The following BMP2K variants were observed in gnomAD, a reference collection of about 807,000 sequenced individuals.
The protein encoded by BMP2K is BMP2 inducible kinase, also known as BMP-2-inducible protein kinase.
In BMP2K, 74 loss-of-function variants were observed where a neutral mutation model predicts 116.0. That is an observed-to-expected ratio of 0.64 (90% CI 0.53 to 0.77). The LOEUF (loss-of-function observed/expected upper bound fraction) is 0.77. BMP2K is among the 30% of genes least tolerant of loss of function. BMP2K has a pLI of 0.00. For missense variants in BMP2K, 1,365 were observed against 1,403.6 expected (o/e 0.97, Z 0.44); for synonymous variants, 486 against 502.5 (o/e 0.97, Z 0.44).
Position 78,801,938 on chromosome 4 carries a change from C to G in BMP2K, c.179-24099C>G, listed in dbSNP as rs1728587804. On this transcript the variant is annotated intron_variant, in intron 1 of 15. Coordinates refer to ENST00000502613, the MANE Select transcript of BMP2K (RefSeq NM_198892.2). ...TGTTTAACAGCTATGATCTTTGTGA[C>G]TCTTTCTTGTATGTTGAGAAAGAAG... 2.6e-5 allele frequency among the ~76,000 whole-genome samples: 4 copies of G among 152,216 alleles called. No individual in the cohort carries two copies. In the South Asian group the frequency reaches 8.3e-4, roughly 31 times the overall value.
rs1331835098 is a variant in BMP2K, at chr4:78,881,366, A to C, written c.1951+2475A>C. Among the ~76,000 whole-genome samples the C allele has an allele frequency of 2.0e-5, 3 of 152,308 alleles. No individual in the cohort carries two copies. The East Asian group carries it at 5.8e-4, about 29-fold the overall frequency. On this transcript the variant is annotated intron_variant, in intron 14 of 15. Transcript: ENST00000502613. ...TGTGGGCAAACACATCAAAAGCAGA[A>C]GTGACAAATGATAGCAAGGAAGTTG...
At chr4:78,867,549 T>A (rs898911112) in intron 10 of BMP2K, among the ~76,000 whole-genome samples, 3 of 152,102 alleles carry the variant, frequency 2.0e-5, no homozygotes, top group East Asian at 1.9e-4. Flanking sequence ...CATTTTTTTT[T>A]AACATTTCTT....
At chr4:78,847,142 A>T (rs749702364) in intron 5 of BMP2K, 46 bp from the exon 6 acceptor site, 53 of 628,798 alleles carry the variant, frequency 8.4e-5, no homozygotes, top group Middle Eastern at 1.1e-3. Context: ...TCTTTTTTTT[A>T]TATATATATA....
At position 78,872,741 on chromosome 4, in the gene BMP2K, C is replaced by T. The variant is rs759701679; in HGVS notation, c.1736C>T (p.Thr579Ile). 4.3e-6 allele frequency: 7 copies of T among 1,614,184 alleles called. No individual in the cohort carries two copies. In the East Asian group the frequency reaches 1.3e-4, roughly 31 times the overall value. ...QEFSPALVSY[T>I]SSLPAQVGTI... ...TTCTCACCAGCCTTAGTTTCCTACA[C>T]TTCATCACTTCCAGCTCAGGTTGGA... The change falls in exon 13 of 16, where the codon ACT becomes ATT. Residue 579 changes from threonine (T) to isoleucine (I), a missense_variant. Around this residue, in one of 3 missense-constraint regions of BMP2K, gnomAD observed 762 missense variants for 756.7 expected, o/e 1.01. Coordinates refer to ENST00000502613, the MANE Select transcript of BMP2K (RefSeq NM_198892.2).
intron 1 of BMP2K, among the ~76,000 whole-genome samples, chr4:78,818,288 A>T (rs1729453421): frequency 6.6e-6 from 1 of 152,128 alleles, no homozygotes; most frequent in Non-Finnish European, 1.5e-5. Context: ...CAGTCACGGG[A>T]TTGCTGGGTC....
intron 1 of BMP2K, 117 bp from the exon 2 acceptor site, chr4:78,825,920 T>C (rs1350282068): frequency 1.3e-6 from 1 of 769,590 alleles, no homozygotes; most frequent in African/African-American, 1.8e-5. Context: ...ATTGCACTTG[T>C]TTTTGTCTTG....
At chr4:78,857,572 A>C (rs1731561881) in intron 7 of BMP2K, among the ~76,000 whole-genome samples, 1 of 152,126 alleles carries the variant, frequency 6.6e-6, no homozygotes, top group Non-Finnish European at 1.5e-5. Context: ...AATACTTAAA[A>C]AGTTTTTCTT....
chr4:78,837,603 T>C (rs1730549931), intron 3 of BMP2K, among the ~76,000 whole-genome samples: 2 of 152,186 alleles, frequency 1.3e-5, no homozygotes, highest in Admixed American at 6.6e-5. Context: ...GCAAATCTTT[T>C]GTTGTCTGTG....
At chr4:78,802,582 T>C (rs1160282287) in intron 1 of BMP2K, among the ~76,000 whole-genome samples, 1 of 152,210 alleles carries the variant, frequency 6.6e-6, no homozygotes, top group Non-Finnish European at 1.5e-5. Context: ...GTTTATCTTT[T>C]AATAGTTATA....
Position 78,788,828 on chromosome 4 carries a change from T to C in BMP2K, c.178+12107T>C, listed in dbSNP as rs1018534486. Among the ~76,000 whole-genome samples, 3 of 151,866 alleles carry C rather than the reference T, an allele frequency of 2.0e-5. No individual in the cohort carries two copies. The East Asian group carries it at 5.8e-4, about 29-fold the overall frequency. On this transcript the variant is annotated intron_variant, in intron 1 of 15. Transcript: ENST00000502613. ...TGGATGTAACTAATGCCCATAAATT[T>C]CTAGCTTGAGAAACCCTTATATACA...
At chr4:78,823,132 T>C (rs1729702708) in intron 1 of BMP2K, among the ~76,000 whole-genome samples, 1 of 152,184 alleles carries the variant, frequency 6.6e-6, no homozygotes, top group Non-Finnish European at 1.5e-5. Context: ...ATCTTCTGTG[T>C]TCAGAAAACT....
chr4:78,810,468 A>C (rs1275430301), intron 1 of BMP2K, among the ~76,000 whole-genome samples: 1 of 152,184 alleles, frequency 6.6e-6, no homozygotes, highest in Non-Finnish European at 1.5e-5. Context: ...TGCCTATGAC[A>C]GCTACAATAT....
At position 78,776,425 on chromosome 4, in the gene BMP2K, G is replaced by A; in HGVS notation, c.-119G>A. The A allele has an allele frequency of 1.0e-6, 1 of 1,001,436 alleles. No homozygotes were observed. The highest frequency in any genetic ancestry group is 1.2e-6 in the Non-Finnish European group (1 of 819,972). 62.0% of individuals were successfully genotyped at this position (1,001,436 alleles called of 1,614,324 possible). A position where few individuals can be genotyped will look rare whatever the true frequency, so the allele number is the denominator to read the frequency against. ...GGGAGCGCGGAATGTGAGGCTTGGC[G>A]GGCCGCAGCACGCTCGGACGGGCCA... is the stretch of plus-strand genomic sequence containing the variant. On this transcript the variant is annotated 5_prime_UTR_variant, in exon 1 of 16. Transcript: ENST00000502613.
rs774628974 is a variant in BMP2K, at chr4:78,912,061, C to T, written c.*28C>T. On this transcript the variant is annotated 3_prime_UTR_variant, in exon 16 of 16. Coordinates refer to ENST00000502613, the MANE Select transcript of BMP2K (RefSeq NM_198892.2). ...ACTTCTGATGGATTCTCGGCATTAACTCCTGTTTCAAAAAAGTGTGAACAG... is the reference window on the plus strand; with the variant it reads ...ACTTCTGATGGATTCTCGGCATTAATTCCTGTTTCAAAAAAGTGTGAACAG... 356 of 1,541,586 alleles carry T rather than the reference C, an allele frequency of 2.3e-4. No individual in the cohort carries two copies. Among genetic ancestry groups the T allele is most frequent in the Non-Finnish European group, 2.9e-4 (335 of 1,140,670 alleles).
intron 2 of BMP2K, among the ~76,000 whole-genome samples, chr4:78,826,915 T>C (rs1240312335): frequency 6.6e-6 from 1 of 152,226 alleles, no homozygotes; most frequent in East Asian, 1.9e-4. Context: ...GCCTTCTTTG[T>C]GTGCCTTCTC....
intron 7 of BMP2K, among the ~76,000 whole-genome samples, chr4:78,856,074 T>G (rs1312674033): frequency 6.6e-6 from 1 of 152,190 alleles, no homozygotes; most frequent in African/African-American, 2.4e-5. Flanking sequence ...ATAGATGATA[T>G]GGTTTTATTG....
rs780047458 is a variant in BMP2K at position 78,910,790 on chromosome 4, C to T, written c.2243C>T (p.Pro748Leu). The T allele has an allele frequency of 3.7e-6, 6 of 1,613,508 alleles. No individual in the cohort carries two copies. In the East Asian group the frequency reaches 8.9e-5, roughly 24 times the overall value. Residue 748 changes from proline to leucine, a missense_variant, in exon 16 of 16, where the codon CCC becomes CTC. Transcript: ENST00000502613. Reference sequence around the variant, plus strand: ...TCTGAAAGTGATTTTGAATCAGATCCCCCTTCTCCTAAGAGCAGTGAAGAG... The same window carrying T: ...TCTGAAAGTGATTTTGAATCAGATCTCCCTTCTCCTAAGAGCAGTGAAGAG... ...DESESDFESD[P>L]PSPKSSEEEE... is the part of the protein sequence containing the mutation.
chr4:78,827,521 C>T (rs922364635), intron 2 of BMP2K, among the ~76,000 whole-genome samples: 5 of 152,286 alleles, frequency 3.3e-5, no homozygotes, highest in Admixed American at 1.3e-4. Context: ...CATCCTATGT[C>T]TGCACTGCTG....
intron 15 of BMP2K, among the ~76,000 whole-genome samples, chr4:78,889,162 A>G (rs1733279547): frequency 6.8e-6 from 1 of 146,088 alleles, no homozygotes; most frequent in African/African-American, 2.6e-5. Context: ...CGGAGTTTGC[A>G]GTGAGCCGAG....
Sources: allele counts gnomAD v4.1 joint callset (sites outside exome capture counted in the v4.1 genomes callset), GRCh38; gene constraint gnomAD v4.1.1; regional missense constraint gnomAD v4.1.1; transcripts MANE v1.5; gene names NCBI Gene and HGNC (gene_info 2026-07-23, HGNC 2026-07-21).